WDFY4: variants seen among roughly 807,000 people sequenced by gnomAD.
WDFY4 encodes WD repeat- and FYVE domain-containing protein 4.
A neutral mutation model predicts 351.9 loss-of-function variants in WDFY4; 169 were observed. That is an observed-to-expected ratio of 0.48 (90% CI 0.42 to 0.55). The LOEUF is 0.55. Among genes scored for constraint, WDFY4 ranks in the 20% least tolerant of loss-of-function variants. The pLI is 0.00. For missense variants in WDFY4, 3,803 were observed against 3,935.6 expected (o/e 0.97, Z 0.90); for synonymous variants, 1,622 against 1,574.6 (o/e 1.03, Z -0.71).
At chr10:48,832,045 A>G (rs1001395885) in intron 38 of WDFY4, among the ~76,000 whole-genome samples, 3 of 152,258 alleles carry the variant, frequency 2.0e-5, no homozygotes, top group African/African-American at 7.2e-5. Flanking sequence ...ACTTTCATGT[A>G]CTTTTAAAGT....
At chr10:48,696,103 C>T (rs903709557) in intron 1 of WDFY4, among the ~76,000 whole-genome samples, 1 of 152,192 alleles carries the variant, frequency 6.6e-6, no homozygotes, top group Non-Finnish European at 1.5e-5. Flanking sequence ...TCAGTCTCCT[C>T]GTGAGTCCTT....
At chr10:48,816,759 G>T (rs888609384) in intron 31 of WDFY4, among the ~76,000 whole-genome samples, 1 of 152,140 alleles carries the variant, frequency 6.6e-6, no homozygotes, top group South Asian at 2.1e-4. Context: ...TGTCATAACA[G>T]CAAACATAAA....
rs527774057 is a variant in WDFY4 at position 48,799,703 on chromosome 10, G to C, written c.4410+3253G>C. Among the ~76,000 whole-genome samples the C allele has an allele frequency of 9.2e-5, 14 of 152,236 alleles. No individual in the cohort carries two copies. The South Asian group carries it at 2.7e-3, about 29-fold the overall frequency. On this transcript the variant is annotated intron_variant, in intron 24 of 61. Transcript: ENST00000325239. ...CAGGAGAATCACTTGAACCCATAAG[G>C]GGGAGGTTGCAGTGAGCCGAGATCA... is the stretch of plus-strand genomic sequence containing the variant.
intron 39 of WDFY4, among the ~76,000 whole-genome samples, chr10:48,852,758 CACTCAACTCAG>C (rs1267709581): frequency 1.3e-5 from 2 of 152,190 alleles, no homozygotes; most frequent in Non-Finnish European, 2.9e-5. Flanking sequence ...CCGTCCTCAT[CACTCAACTCAG>C]CCGCTTCATG....
chr10:48,749,043 G>A (rs2132451690), intron 12 of WDFY4, among the ~76,000 whole-genome samples: 1 of 152,318 alleles, frequency 6.6e-6, no homozygotes, highest in Middle Eastern at 3.4e-3. Flanking sequence ...CATAATAATA[G>A]TATCTACATT....
At chr10:48,942,991 A>T (rs1331855526) in intron 48 of WDFY4, among the ~76,000 whole-genome samples, 2 of 152,224 alleles carry the variant, frequency 1.3e-5, no homozygotes, top group African/African-American at 4.8e-5. Flanking sequence ...GTCAGCAGTC[A>T]GTTCACCCAC....
At chr10:48,913,869 G>T in intron 47 of WDFY4, 1 of 1,614,120 alleles carries the variant, frequency 6.2e-7, no homozygotes, top group Non-Finnish European at 8.5e-7. Context: ...GAGCAGGCTG[G>T]TCATCTGGCC....
chr10:48,732,248 G>A (rs1205637803), intron 9 of WDFY4, among the ~76,000 whole-genome samples: 1 of 152,102 alleles, frequency 6.6e-6, no homozygotes, highest in African/African-American at 2.4e-5. Flanking sequence ...TCTATGTGGT[G>A]GTCTTTAACT....
intron 42 of WDFY4, among the ~76,000 whole-genome samples, chr10:48,875,967 C>A (rs1398910972): frequency 1.3e-5 from 2 of 152,226 alleles, no homozygotes; most frequent in Non-Finnish European, 2.9e-5. Context: ...GCTCCAGCTC[C>A]AGAGGTGGGA....
chr10:48,754,974 C>G (rs2065291229), intron 12 of WDFY4, among the ~76,000 whole-genome samples: 1 of 151,946 alleles, frequency 6.6e-6, no homozygotes, highest in African/African-American at 2.4e-5. Context: ...TTTTTTTGGC[C>G]TACAGTTCTA....
At chr10:48,745,789 A>T in intron 12 of WDFY4, 1 of 418,960 alleles carries the variant, frequency 2.4e-6, no homozygotes. Flanking sequence ...AGAAACACCC[A>T]TCTAGTTTTC....
chr10:48,805,541 A>AGG, intron 26 of WDFY4, 120 bp downstream of exon 26: 4 of 1,368,642 alleles, frequency 2.9e-6, no homozygotes, highest in Non-Finnish European at 3.9e-6. Context: ...CCTTCTAGGA[A>AGG]TTTTTGCCCA....
At chr10:48,929,342 G>A (rs926607887) in intron 47 of WDFY4, among the ~76,000 whole-genome samples, 1 of 152,200 alleles carries the variant, frequency 6.6e-6, no homozygotes, top group Non-Finnish European at 1.5e-5. Flanking sequence ...ACCAGGCATG[G>A]GGTTGCACTG....
chr10:48,913,784 G>A lies in WDFY4; in HGVS notation c.7586+11921G>A, dbSNP rs144747704. 1.2e-4 allele frequency: 195 copies of A among 1,614,066 alleles called. No individual in the cohort carries two copies. In the African/African-American group the frequency reaches 2.0e-3, roughly 17 times the overall value. ...GGTGGTTCAAGCCTAGGTTCACAGC[G>A]CGGATGTTCTTGAGTTGCTTCAGCT... On this transcript the variant is annotated intron_variant, in intron 47 of 61. Transcript: ENST00000325239.
At chr10:48,729,636 C>T (rs1409334790) in intron 8 of WDFY4, 47 bp downstream of exon 8, 2 of 1,543,432 alleles carry the variant, frequency 1.3e-6, no homozygotes, top group Admixed American at 4.0e-5. Flanking sequence ...AGTGCTGAGC[C>T]CTGAGAAGGC....
At chr10:48,819,505 C>T (rs374618293) in intron 32 of WDFY4, among the ~76,000 whole-genome samples, 6 of 152,122 alleles carry the variant, frequency 3.9e-5, no homozygotes, top group African/African-American at 9.7e-5. Context: ...CAGATGAATG[C>T]GCAGGAGAAG....
chr10:48,696,869 C>T (rs912164051), intron 1 of WDFY4, among the ~76,000 whole-genome samples: 3 of 152,244 alleles, frequency 2.0e-5, no homozygotes, highest in African/African-American at 7.2e-5. Context: ...ATTCTTTCTG[C>T]AATGTTGCAA....
At chr10:48,948,053 G>T (rs1841139216) in intron 51 of WDFY4, among the ~76,000 whole-genome samples, 1 of 152,126 alleles carries the variant, frequency 6.6e-6, no homozygotes, top group African/African-American at 2.4e-5. Flanking sequence ...GAGACCAAAG[G>T]CCACCCTGCA....
In WDFY4 at chr10:48,953,333, T is replaced by TCTCTCACACACA. The variant is rs771339557; in HGVS notation, c.7978-3795_7978-3794insTCTCACACACAC. Among the ~76,000 whole-genome samples the TCTCTCACACACA allele has an allele frequency of 3.9e-3, 496 of 128,194 alleles. 2 individuals are homozygous for TCTCTCACACACA. Among genetic ancestry groups the TCTCTCACACACA allele is most frequent in the Middle Eastern group, 0.02 (5 of 246 alleles). 84.1% of individuals were successfully genotyped at this position (128,194 alleles called of 152,430 possible). A position where few individuals can be genotyped will look rare whatever the true frequency, so the allele number is the denominator to read the frequency against. On this transcript the variant is annotated intron_variant, in intron 51 of 61. Transcript: ENST00000325239. ...CTCTCTCTCTCTCTCTCTCTCTCTC[T>TCTCTCACACACA]CACACACACACACACACACACACAC...
Sources: gnomAD v4.1 joint callset for allele counts (sites outside exome capture counted in the v4.1 genomes callset) on GRCh38, gnomAD v4.1.1 for gene constraint, MANE v1.5 for transcripts, NCBI Gene and HGNC (gene_info 2026-07-23, HGNC 2026-07-21) for gene names.